EHBP1: variants seen among roughly 807,000 people sequenced by gnomAD.
The protein encoded by EHBP1 is EH domain binding protein 1.
In EHBP1, 55 loss-of-function variants were observed where a neutral mutation model predicts 144.0. The ratio of observed to expected loss-of-function variants is 0.38; its 90% CI spans 0.31 to 0.48. The LOEUF (loss-of-function observed/expected upper bound fraction) is 0.48, where lower values mean the gene tolerates loss of function less well. Among genes scored for constraint, EHBP1 ranks in the 20% least tolerant of loss-of-function variants. EHBP1 has a pLI of 0.98. For synonymous variants in EHBP1, 469 were observed against 472.7 expected (o/e 0.99, Z 0.10); for missense variants, 1,200 against 1,364.2 (o/e 0.88, Z 1.90).
intron 19 of EHBP1, among the ~76,000 whole-genome samples, chr2:63,007,343 T>C (rs1413315486): frequency 6.6e-6 from 1 of 151,900 alleles, no homozygotes; most frequent in Non-Finnish European, 1.5e-5. Context: ...ACAGAACTTT[T>C]ATAAAAATTT....
chr2:62,700,827 T>A (rs1428625383), upstream of EHBP1, among the ~76,000 whole-genome samples: 1 of 152,232 alleles, frequency 6.6e-6, no homozygotes, highest in Non-Finnish European at 1.5e-5. Context: ...TAGATATTCA[T>A]CATAGAAAGT....
At chr2:62,932,786 T>C (rs2056103981) in intron 10 of EHBP1, among the ~76,000 whole-genome samples, 1 of 151,936 alleles carries the variant, frequency 6.6e-6, no homozygotes, top group Admixed American at 6.6e-5. Flanking sequence ...GAATCCCGTC[T>C]CTACTAAAAA....
intron 5 of EHBP1, among the ~76,000 whole-genome samples, chr2:62,795,824 C>T (rs2043500058): frequency 6.6e-6 from 1 of 151,744 alleles, no homozygotes; most frequent in Non-Finnish European, 1.5e-5. Flanking sequence ...GATTTCCTGC[C>T]CTTCCTTAAT....
intron 1 of EHBP1, among the ~76,000 whole-genome samples, chr2:62,678,622 A>T (rs1163127172): frequency 6.6e-6 from 1 of 152,136 alleles, no homozygotes; most frequent in Non-Finnish European, 1.5e-5. Flanking sequence ...GTTATTATTC[A>T]ACTCATTTTT....
intron 7 of EHBP1, among the ~76,000 whole-genome samples, chr2:62,832,438 C>CTTTTTTTTTTTTTTTTTTTT (rs202005406): frequency 8.5e-6 from 1 of 117,816 alleles, no homozygotes. Flanking sequence ...TTTCTTTTTT[C>CTTTTTTTTTTTTTTTTTTTT]TTTTTTTTTT....
intron 14 of EHBP1, among the ~76,000 whole-genome samples, chr2:62,961,168 T>C (rs1374822955): frequency 6.6e-6 from 1 of 152,218 alleles, no homozygotes; most frequent in Non-Finnish European, 1.5e-5. Context: ...AGGAAAGATA[T>C]AAGCTGTAAT....
chr2:62,997,370 G>C (rs1405405081), intron 19 of EHBP1, among the ~76,000 whole-genome samples: 2 of 150,830 alleles, frequency 1.3e-5, no homozygotes, highest in Non-Finnish European at 3.0e-5. Flanking sequence ...TTTCAATGCT[G>C]ATTGCCAATG....
intron 10 of EHBP1, among the ~76,000 whole-genome samples, chr2:62,883,941 G>C (rs929468944): frequency 1.3e-5 from 2 of 152,080 alleles, no homozygotes; most frequent in Non-Finnish European, 2.9e-5. Flanking sequence ...CTGCACTCCA[G>C]CCGGTATGGC....
At chr2:62,827,485 G>A (rs192397064) in intron 6 of EHBP1, among the ~76,000 whole-genome samples, 88 of 152,160 alleles carry the variant, frequency 5.8e-4, no homozygotes, top group African/African-American at 1.9e-3. Flanking sequence ...CACCATTCAC[G>A]GGAATCTGGG....
intron 10 of EHBP1, among the ~76,000 whole-genome samples, chr2:62,897,756 C>T (rs2053059065): frequency 6.6e-6 from 1 of 152,158 alleles, no homozygotes; most frequent in Non-Finnish European, 1.5e-5. Context: ...TTTCCTATCT[C>T]CTAGAAAATG....
At chr2:62,915,718 AT>A (rs200857203) in intron 10 of EHBP1, among the ~76,000 whole-genome samples, 140 of 136,042 alleles carry the variant, frequency 1.0e-3, no homozygotes, top group East Asian at 9.2e-3. Context: ...TTTAAAAAAA[AT>A]TTTTTTTAAA....
chr2:62,942,913 T>C lies in EHBP1; in HGVS notation c.1364+17T>C. 6.5e-7 allele frequency: 1 copy of C among 1,543,086 alleles called. No homozygotes were observed. Among genetic ancestry groups the C allele is most frequent in the East Asian group, 2.3e-5 (1 of 43,628 alleles). Reference sequence around the variant, plus strand: ...AGATTTAATGTAAGTAGAAACATTTTCCATTCCCTATATTTTGTAAGTGAT... The same window carrying C: ...AGATTTAATGTAAGTAGAAACATTTCCCATTCCCTATATTTTGTAAGTGAT... On this transcript the variant is annotated intron_variant, in intron 11 of 22. Transcript: ENST00000431489.
chr2:62,718,324 C>G (rs182152810), intron 2 of EHBP1, among the ~76,000 whole-genome samples: 205 of 152,286 alleles, frequency 1.3e-3, no homozygotes, highest in Non-Finnish European at 2.2e-3. Context: ...CTATTTACAT[C>G]TAAATTTAAA....
intron 2 of EHBP1, among the ~76,000 whole-genome samples, chr2:62,737,217 G>A (rs761189986): frequency 4.6e-5 from 7 of 152,170 alleles, no homozygotes; most frequent in Non-Finnish European, 8.8e-5. Context: ...GCCTCGTTAA[G>A]AAAAGAATGC....
chr2:62,830,897 C>T, intron 6 of EHBP1, 122 bp from the exon 7 acceptor site: 1 of 967,362 alleles, frequency 1.0e-6, no homozygotes, highest in East Asian at 2.9e-5. Flanking sequence ...TCTTGTGCAA[C>T]TGATAAGAAA....
chr2:62,764,181 A>G (rs2040988612), intron 3 of EHBP1, 85 bp from the exon 4 acceptor site: 1 of 958,466 alleles, frequency 1.0e-6, no homozygotes. Flanking sequence ...TGTACTTCAT[A>G]TTGAAGGTAT....
intron 7 of EHBP1, among the ~76,000 whole-genome samples, chr2:62,843,101 A>T (rs1464256725): frequency 2.0e-5 from 3 of 152,162 alleles, no homozygotes; most frequent in African/African-American, 7.2e-5. Context: ...TTTTGAGGCA[A>T]CTTTGGATGC....
chr2:63,029,967 G>A (rs1203326661), intron 19 of EHBP1, among the ~76,000 whole-genome samples: 1 of 152,048 alleles, frequency 6.6e-6, no homozygotes, highest in Non-Finnish European at 1.5e-5. Context: ...CTGATCTCAG[G>A]TGATCTGCCC....
chr2:62,999,773 T>C (rs2059777587), intron 19 of EHBP1, among the ~76,000 whole-genome samples: 1 of 152,208 alleles, frequency 6.6e-6, no homozygotes, highest in South Asian at 2.1e-4. Context: ...CTATGAACAT[T>C]TGTGTACAAG....
Sources: allele counts gnomAD v4.1 joint callset (sites outside exome capture counted in the v4.1 genomes callset), GRCh38; gene constraint gnomAD v4.1.1; transcripts MANE v1.5; gene names NCBI Gene and HGNC (gene_info 2026-07-23, HGNC 2026-07-21).